Variants in NAALADL2 observed in about 807,000 individuals in gnomAD.
NAALADL2 encodes the protein N-acetylated alpha-linked acidic dipeptidase like 2.
NAALADL2 carries 76 observed loss-of-function variants against 87.2 expected under a neutral mutation model. The ratio of observed to expected loss-of-function variants is 0.87; its 90% CI spans 0.72 to 1.05. NAALADL2 has a LOEUF of 1.05. Ranked by LOEUF, NAALADL2 falls within the 50% of genes least tolerant of loss-of-function variation. The pLI is 0.00. For missense variants in NAALADL2, 1,089 were observed against 945.8 expected (o/e 1.15, Z -1.99); for synonymous variants, 354 against 331.0 (o/e 1.07, Z -0.75).
chr3:174,613,792 C>A (rs2108647870), intron 2 of NAALADL2, among the ~76,000 whole-genome samples: 1 of 152,302 alleles, frequency 6.6e-6, no homozygotes, highest in East Asian at 1.9e-4. Context: ...CAAACTGGTA[C>A]TTAAGGTACA....
At chr3:175,423,203 A>ATTTCTTTTTCT (rs1716114926) in intron 5 of NAALADL2, among the ~76,000 whole-genome samples, 1 of 143,820 alleles carries the variant, frequency 7.0e-6, no homozygotes, top group African/African-American at 2.6e-5. Context: ...ACAAAGAAGA[A>ATTTCTTTTTCT]TTTATTTTTC....
At chr3:174,461,122 T>TG (rs1716190483) in intron 1 of NAALADL2, among the ~76,000 whole-genome samples, 1 of 152,100 alleles carries the variant, frequency 6.6e-6, no homozygotes, top group Admixed American at 6.6e-5. Context: ...ATAATATATG[T>TG]GAAGATCTAA....
intron 2 of NAALADL2, among the ~76,000 whole-genome samples, chr3:174,633,241 A>T (rs1722323133): frequency 6.6e-6 from 1 of 152,144 alleles, no homozygotes; most frequent in Non-Finnish European, 1.5e-5. Flanking sequence ...AGATACATTT[A>T]TGTTTTTTCC....
intron 4 of NAALADL2, among the ~76,000 whole-genome samples, chr3:175,287,232 T>G (rs1360990646): frequency 3.3e-5 from 5 of 152,230 alleles, no homozygotes; most frequent in Non-Finnish European, 7.3e-5. Context: ...TCAAAGAAGC[T>G]TAATGGTTTG....
chr3:175,009,829 G>A (rs903737047), intron 1 of NAALADL2, among the ~76,000 whole-genome samples: 1 of 151,962 alleles, frequency 6.6e-6, no homozygotes, highest in African/African-American at 2.4e-5. Context: ...AACATAAGCA[G>A]CATTTCTTGA....
intron 9 of NAALADL2, among the ~76,000 whole-genome samples, chr3:175,546,464 G>C (rs1478714522): frequency 6.6e-6 from 1 of 151,896 alleles, no homozygotes; most frequent in Non-Finnish European, 1.5e-5. Context: ...CAGACTATGT[G>C]GTTGCTTTAT....
chr3:175,767,408 G>C (rs927475995), intron 13 of NAALADL2: 1 of 151,950 alleles, frequency 6.6e-6, no homozygotes, highest in Non-Finnish European at 1.5e-5. Flanking sequence ...ATATAGTGAG[G>C]TTCTAGTATT....
intron 2 of NAALADL2, among the ~76,000 whole-genome samples, chr3:175,105,604 G>T (rs1722985204): frequency 6.8e-6 from 1 of 147,074 alleles, no homozygotes; most frequent in African/African-American, 2.5e-5. Flanking sequence ...CCTAATCCAT[G>T]CTTTAGAAAT....
At chr3:175,260,161 T>G (rs1750769944) in intron 4 of NAALADL2, among the ~76,000 whole-genome samples, 1 of 152,212 alleles carries the variant, frequency 6.6e-6, no homozygotes, top group South Asian at 2.1e-4. Context: ...TGACTATATT[T>G]ACAAAGTAGT....
chr3:174,529,949 T>C (rs1222416287), intron 1 of NAALADL2, among the ~76,000 whole-genome samples: 1 of 152,192 alleles, frequency 6.6e-6, no homozygotes, highest in East Asian at 1.9e-4. Context: ...TGGAGACATT[T>C]TCCCCATTGT....
At chr3:175,761,679 G>A (rs1252859630) in intron 13 of NAALADL2, among the ~76,000 whole-genome samples, 1 of 152,026 alleles carries the variant, frequency 6.6e-6, no homozygotes, top group Admixed American at 6.6e-5. Flanking sequence ...CAGTGTTTTG[G>A]ATTTTAGCTA....
At chr3:175,241,441 G>GACC (rs1426807096) in intron 3 of NAALADL2, among the ~76,000 whole-genome samples, 1 of 152,016 alleles carries the variant, frequency 6.6e-6, no homozygotes, top group Non-Finnish European at 1.5e-5. Flanking sequence ...TGCTGGTCTG[G>GACC]AACTCCTGAC....
intron 1 of NAALADL2, among the ~76,000 whole-genome samples, chr3:175,036,978 A>G (rs1753494348): frequency 6.6e-6 from 1 of 151,698 alleles, no homozygotes; most frequent in Admixed American, 6.6e-5. Flanking sequence ...ACTCAGAGCT[A>G]CTCTCTCATA....
chr3:175,405,719 C>CA (rs1712214040), intron 5 of NAALADL2, among the ~76,000 whole-genome samples: 1 of 81,178 alleles, frequency 1.2e-5, no homozygotes, highest in South Asian at 3.9e-4. Context: ...GTTTCTTGAA[C>CA]ACCTATGTTC....
chr3:175,430,816 A>T (rs1379401242), intron 5 of NAALADL2, among the ~76,000 whole-genome samples: 2 of 152,046 alleles, frequency 1.3e-5, no homozygotes, highest in African/African-American at 2.4e-5. Flanking sequence ...TCTTTATATA[A>T]TGCTATGTCA....
At chr3:175,133,195 A>C (rs1728474290) in intron 2 of NAALADL2, among the ~76,000 whole-genome samples, 1 of 148,372 alleles carries the variant, frequency 6.7e-6, no homozygotes, top group Non-Finnish European at 1.5e-5. Flanking sequence ...CTCACTTCCT[A>C]GATGGGATGG....
At chr3:175,050,349 G>A (rs61132046) in intron 1 of NAALADL2, among the ~76,000 whole-genome samples, 46,844 of 151,690 alleles carry the variant, frequency 0.31, 7,492 homozygotes, top group Middle Eastern at 0.44. Flanking sequence ...TGCAGCCTCT[G>A]CCTCCTGGGT....
At chr3:174,541,625 A>T (rs1722235849) in intron 1 of NAALADL2, among the ~76,000 whole-genome samples, 1 of 152,214 alleles carries the variant, frequency 6.6e-6, no homozygotes, top group African/African-American at 2.4e-5. Context: ...AAAAGCATTA[A>T]CTTGGCTCCA....
At chr3:175,794,743 T>C (rs1026720623) in intron 13 of NAALADL2, among the ~76,000 whole-genome samples, 1 of 152,214 alleles carries the variant, frequency 6.6e-6, no homozygotes, top group African/African-American at 2.4e-5. Flanking sequence ...ACAGACACTT[T>C]TATCTATTTC....
Sources: allele counts gnomAD v4.1 joint callset (sites outside exome capture counted in the v4.1 genomes callset), GRCh38; gene constraint gnomAD v4.1.1; transcripts MANE v1.5; gene names NCBI Gene and HGNC (gene_info 2026-07-23, HGNC 2026-07-21).